ANKRD28: variants seen among roughly 807,000 people sequenced by gnomAD.
ANKRD28 encodes ankyrin repeat domain 28, also known as serine/threonine-protein phosphatase 6 regulatory ankyrin repeat subunit A.
In ANKRD28, 44 loss-of-function variants were observed where a neutral mutation model predicts 126.5. The ratio of observed to expected loss-of-function variants is 0.35; its 90% CI spans 0.27 to 0.45. The LOEUF (loss-of-function observed/expected upper bound fraction) is 0.45. Ranked by LOEUF, ANKRD28 falls within the 20% of genes least tolerant of loss-of-function variation. ANKRD28 has a pLI of 1.00. For synonymous variants in ANKRD28, 442 were observed against 468.5 expected (o/e 0.94, Z 0.73); for missense variants, 1,110 against 1,316.6 (o/e 0.84, Z 2.43).
intron 1 of ANKRD28, among the ~76,000 whole-genome samples, chr3:15,825,458 G>C (rs1285545639): frequency 6.6e-6 from 1 of 152,144 alleles, no homozygotes; most frequent in African/African-American, 2.4e-5. Flanking sequence ...GCCAATTCGG[G>C]GCGGTGGGGG....
intron 4 of ANKRD28, among the ~76,000 whole-genome samples, chr3:15,744,076 A>T (rs2057309970): frequency 6.6e-6 from 1 of 152,244 alleles, no homozygotes; most frequent in Non-Finnish European, 1.5e-5. Flanking sequence ...TAATAAGTAT[A>T]GCTACTTTTG....
At chr3:15,751,615 C>G (rs982958457) in intron 4 of ANKRD28, 135 bp downstream of exon 4, 2 of 657,148 alleles carry the variant, frequency 3.0e-6, no homozygotes, top group African/African-American at 3.8e-5. Flanking sequence ...TGTACAAATT[C>G]TAAAGTAAAA....
At chr3:15,762,857 A>C (rs1040092441) in intron 3 of ANKRD28, among the ~76,000 whole-genome samples, 1 of 152,158 alleles carries the variant, frequency 6.6e-6, no homozygotes, top group East Asian at 1.9e-4. Flanking sequence ...TAAGCCTATA[A>C]ATTTTATATT....
intron 1 of ANKRD28, among the ~76,000 whole-genome samples, chr3:15,832,636 T>C (rs1393590401): frequency 6.6e-6 from 1 of 152,214 alleles, no homozygotes; most frequent in Non-Finnish European, 1.5e-5. Context: ...TAGTTTCTAA[T>C]ATCTGTTATC....
chr3:15,740,775 G>C (rs1005136963), intron 4 of ANKRD28, among the ~76,000 whole-genome samples: 1 of 152,138 alleles, frequency 6.6e-6, no homozygotes, highest in African/African-American at 2.4e-5. Flanking sequence ...GAACAAATCT[G>C]GTTCACAGTA....
At chr3:15,775,756 G>A (rs2059234312) in intron 2 of ANKRD28, among the ~76,000 whole-genome samples, 1 of 152,160 alleles carries the variant, frequency 6.6e-6, no homozygotes, top group Non-Finnish European at 1.5e-5. Context: ...TTCCCTCTCT[G>A]GGTGCACCAC....
intron 3 of ANKRD28, among the ~76,000 whole-genome samples, chr3:15,753,603 G>A (rs2057991471): frequency 6.6e-6 from 1 of 152,158 alleles, no homozygotes; most frequent in Non-Finnish European, 1.5e-5. Flanking sequence ...AATAAGAAAT[G>A]AGGTCTCATG....
At chr3:15,703,896 C>T (rs1337218225) in intron 14 of ANKRD28, among the ~76,000 whole-genome samples, 1 of 152,092 alleles carries the variant, frequency 6.6e-6, no homozygotes, top group Admixed American at 6.5e-5. Flanking sequence ...TTGATTAAGG[C>T]TGTGAGGGAC....
chr3:15,764,140 G>T (rs866019280), intron 3 of ANKRD28, among the ~76,000 whole-genome samples: 1 of 152,132 alleles, frequency 6.6e-6, no homozygotes, highest in Non-Finnish European at 1.5e-5. Context: ...CAGGTGAATC[G>T]CTTGAACCCG....
chr3:15,674,012 C>T (rs1390634704), intron 27 of ANKRD28, among the ~76,000 whole-genome samples: 3 of 150,774 alleles, frequency 2.0e-5, no homozygotes, highest in East Asian at 1.9e-4. Flanking sequence ...TCTGTCAGCA[C>T]AAAAAATAAA....
chr3:15,677,570 G>A lies in ANKRD28; in HGVS notation c.2708-8C>T, dbSNP rs779074295. 7 of 1,595,920 alleles carry A rather than the reference G, an allele frequency of 4.4e-6. No homozygotes were observed. In the South Asian group the frequency reaches 7.8e-5, roughly 18 times the overall value. ...CACTGCTAACCAGCATCTCTGGGAG[G>A]AAAAAGTGCATCAATTCTTATGTTT... On this transcript the variant is annotated splice_polypyrimidine_tract_variant and splice_region_variant and intron_variant, in intron 24 of 27. Transcript: ENST00000683139.
chr3:15,807,362 G>A (rs1182660144), intron 1 of ANKRD28, among the ~76,000 whole-genome samples: 2 of 152,142 alleles, frequency 1.3e-5, no homozygotes, highest in Non-Finnish European at 1.5e-5. Flanking sequence ...CAAGCGATGT[G>A]GGATAGACGT....
chr3:15,674,301 A>G (rs2066710210), intron 27 of ANKRD28, among the ~76,000 whole-genome samples: 2 of 151,946 alleles, frequency 1.3e-5, no homozygotes, highest in East Asian at 3.9e-4. Context: ...CTTTAGATCT[A>G]CTTTAGAGGT....
At chr3:15,715,041 T>TA (rs2126103318) in intron 8 of ANKRD28, among the ~76,000 whole-genome samples, 2 of 152,164 alleles carry the variant, frequency 1.3e-5, no homozygotes, top group South Asian at 2.1e-4. Context: ...TGGATACATT[T>TA]AAAAAAATAA....
intron 6 of ANKRD28, among the ~76,000 whole-genome samples, chr3:15,734,119 A>C (rs547429820): frequency 3.0e-4 from 46 of 152,340 alleles, no homozygotes; most frequent in African/African-American, 9.9e-4. Context: ...ACGCTCATAC[A>C]CGGAGAGCCA....
chr3:15,803,119 T>G lies in ANKRD28; in HGVS notation c.28-7813A>C, dbSNP rs189299159. Among the ~76,000 whole-genome samples the G allele has an allele frequency of 3.7e-3, 571 of 152,334 alleles. 2 individuals carry two copies. Among genetic ancestry groups the G allele is most frequent in the Non-Finnish European group, 4.1e-3 (278 of 68,022 alleles). ...AACCAAGTTATAAAGTTTGTATTTT[T>G]CATCAATTGAGAACTCATTAAAAAT... is the stretch of plus-strand genomic sequence containing the variant. On this transcript the variant is annotated intron_variant, in intron 1 of 27. Transcript: ENST00000399451.
In ANKRD28 at chr3:15,711,265, A is replaced by G; in HGVS notation, c.1283T>C (p.Ile428Thr). The G allele has an allele frequency of 6.2e-7, 1 of 1,611,320 alleles. No individual in the cohort carries two copies. The highest frequency in any genetic ancestry group is 8.5e-7 in the Non-Finnish European group (1 of 1,177,870). The change falls in exon 12 of 28, where the codon ATA (isoleucine) becomes ACA (threonine). Residue 428 changes from isoleucine to threonine, a missense_variant. Transcript: ENST00000683139. ...CRKLLSSGFD[I>T]DTPDDFGRTC... is the part of the protein sequence containing the mutation. ...CCTGCCAAAATCATCTGGGGTATCT[A>G]TATCAAATCCTACAAGAATGAATAC...
At chr3:15,739,428 C>A (rs1485235075) in intron 4 of ANKRD28, among the ~76,000 whole-genome samples, 1 of 152,146 alleles carries the variant, frequency 6.6e-6, no homozygotes, top group Non-Finnish European at 1.5e-5. Context: ...CCCTGACTTC[C>A]CGCAACAGTA....
intron 14 of ANKRD28, among the ~76,000 whole-genome samples, chr3:15,699,105 A>G (rs995828973): frequency 6.6e-6 from 1 of 152,196 alleles, no homozygotes; most frequent in Non-Finnish European, 1.5e-5. Context: ...CAACCATCTG[A>G]TTTTTGACAA....
Sources: allele counts gnomAD v4.1 joint callset (sites outside exome capture counted in the v4.1 genomes callset), GRCh38; gene constraint gnomAD v4.1.1; transcripts MANE v1.5; gene names NCBI Gene and HGNC (gene_info 2026-07-23, HGNC 2026-07-21).